Variants in SAMD12 observed in about 807,000 individuals in gnomAD.
SAMD12 encodes the protein sterile alpha motif domain containing 12.
SAMD12 carries 9 observed loss-of-function variants against 15.0 expected under a neutral mutation model. That is an observed-to-expected ratio of 0.60 (90% CI 0.36 to 1.05). The LOEUF (loss-of-function observed/expected upper bound fraction) is 1.05, where lower values mean the gene tolerates loss of function less well. Among genes scored for constraint, SAMD12 ranks in the 50% least tolerant of loss-of-function variants. SAMD12 has a pLI of 0.01. For synonymous variants in SAMD12, 86 were observed against 90.1 expected, an observed-to-expected ratio of 0.96 and a Z score of 0.25; for missense variants, 230 against 234.2, an observed-to-expected ratio of 0.98 and a Z score of 0.12.
intron 4 of SAMD12, among the ~76,000 whole-genome samples, chr8:118,345,415 G>T (rs374533568): frequency 1.3e-5 from 2 of 152,092 alleles, no homozygotes; most frequent in Admixed American, 6.5e-5. Flanking sequence ...AAAGTGATAC[G>T]CGCTAAGGTA....
intron 2 of SAMD12, among the ~76,000 whole-genome samples, chr8:118,502,105 C>G (rs986475109): frequency 2.0e-5 from 3 of 151,588 alleles, no homozygotes; most frequent in African/African-American, 7.3e-5. Flanking sequence ...AACAAGCTTC[C>G]AAACTGCTGG....
intron 4 of SAMD12, among the ~76,000 whole-genome samples, chr8:118,280,684 G>C (rs762190693): frequency 1.3e-5 from 2 of 152,196 alleles, no homozygotes; most frequent in Non-Finnish European, 2.9e-5. Flanking sequence ...TCAGAAATGA[G>C]AAACTGGTTT....
chr8:118,437,021 CTCTTAAG>C (rs1822596206), intron 3 of SAMD12, among the ~76,000 whole-genome samples: 1 of 152,150 alleles, frequency 6.6e-6, no homozygotes, highest in East Asian at 1.9e-4. Context: ...CCCCTGTCCT[CTCTTAAG>C]TCATTCTACT....
At chr8:118,143,361 T>C in the SAMD12 span, among the ~76,000 whole-genome samples, 2 of 152,342 alleles carry the variant, frequency 1.3e-5, no homozygotes, top group African/African-American at 2.4e-5. Context: ...ATGGTTATTT[T>C]TGAAGCCAGA....
chr8:118,401,482 T>A (rs1820866342), intron 3 of SAMD12, among the ~76,000 whole-genome samples: 1 of 151,890 alleles, frequency 6.6e-6, no homozygotes, highest in South Asian at 2.1e-4. Context: ...GTGATCCTCC[T>A]GCCTGTGCCT....
At chr8:118,209,353 A>G (rs1319978987) in intron 4 of SAMD12, among the ~76,000 whole-genome samples, 1 of 152,216 alleles carries the variant, frequency 6.6e-6, no homozygotes, top group Non-Finnish European at 1.5e-5. Flanking sequence ...GTTACAATCT[A>G]TATTGCAGTT....
chr8:118,169,179 C>A, the SAMD12 span, among the ~76,000 whole-genome samples: 108 of 152,214 alleles, frequency 7.1e-4, no homozygotes, highest in African/African-American at 2.5e-3. Flanking sequence ...CCAACCTGTA[C>A]ATGTACCCCC....
rs1023078885 is a variant in SAMD12 at position 118,486,882 on chromosome 8, G to T, written c.193-46921C>A. On this transcript the variant is annotated intron_variant, in intron 2 of 3. Transcript: ENST00000314727. ...CTGAGAGAGGCGTGGCTGGAGCAGA[G>T]GTGCCCTCCGACAGGACCCATGGCC... 5.3e-5 allele frequency among the ~76,000 whole-genome samples: 8 copies of T among 152,190 alleles called. 1 individual carries two copies. The highest frequency in any genetic ancestry group is 1.9e-4 in the African/African-American group (8 of 41,434).
intron 2 of SAMD12, among the ~76,000 whole-genome samples, chr8:118,466,846 A>C (rs1823609605): frequency 6.6e-6 from 1 of 152,196 alleles, no homozygotes; most frequent in Non-Finnish European, 1.5e-5. Flanking sequence ...TTAAACCGAA[A>C]ATTAGATTCC....
At chr8:118,365,440 G>A (rs953822913) in intron 4 of SAMD12, among the ~76,000 whole-genome samples, 4 of 151,996 alleles carry the variant, frequency 2.6e-5, no homozygotes, top group Admixed American at 1.3e-4. Flanking sequence ...GAACATGAAC[G>A]AAACAAAAAA....
At chr8:118,209,558 T>C (rs1819960181) in intron 4 of SAMD12, among the ~76,000 whole-genome samples, 1 of 152,140 alleles carries the variant, frequency 6.6e-6, no homozygotes, top group Non-Finnish European at 1.5e-5. Context: ...TTGGCATGAG[T>C]CTCAAACCTG....
the SAMD12 span, among the ~76,000 whole-genome samples, chr8:118,147,646 C>A: frequency 3.3e-5 from 5 of 152,268 alleles, no homozygotes; most frequent in Admixed American, 6.5e-5. Flanking sequence ...AGGCATGAGC[C>A]ACCGTGCCCG....
At chr8:118,548,423 A>ACACACACACACC (rs1491292990) in intron 2 of SAMD12, among the ~76,000 whole-genome samples, 1 of 125,260 alleles carries the variant, frequency 8.0e-6, no homozygotes, top group African/African-American at 3.0e-5. Flanking sequence ...ACACACACAC[A>ACACACACACACC]CCCCATGTGA....
intron 2 of SAMD12, among the ~76,000 whole-genome samples, chr8:118,500,349 AT>A (rs1456984947): frequency 6.6e-6 from 1 of 150,856 alleles, no homozygotes; most frequent in African/African-American, 2.4e-5. Flanking sequence ...AAGTGCTGGG[AT>A]TATAGGCGTG....
At chr8:118,418,045 C>A (rs1821793780) in intron 3 of SAMD12, among the ~76,000 whole-genome samples, 1 of 152,154 alleles carries the variant, frequency 6.6e-6, no homozygotes, top group Admixed American at 6.5e-5. Flanking sequence ...TATATTCTTT[C>A]TGCCCATCAT....
At chr8:118,279,559 T>G (rs1157422092) in intron 4 of SAMD12, among the ~76,000 whole-genome samples, 3 of 152,236 alleles carry the variant, frequency 2.0e-5, no homozygotes. Context: ...TTTGAATCAC[T>G]CATTTCTGGC....
At chr8:118,153,934 A>G in the SAMD12 span, among the ~76,000 whole-genome samples, 1 of 151,832 alleles carries the variant, frequency 6.6e-6, no homozygotes, top group Non-Finnish European at 1.5e-5. Flanking sequence ...TCTGAAATGA[A>G]TTTCTCTCCC....
chr8:118,291,459 G>A (rs1814359493), intron 4 of SAMD12: 1 of 152,044 alleles, frequency 6.6e-6, no homozygotes, highest in Non-Finnish European at 1.5e-5. Context: ...AGAATGACAT[G>A]GAAAGTCAGT....
At chr8:118,428,702 C>T (rs1202357710) in intron 3 of SAMD12, among the ~76,000 whole-genome samples, 1 of 152,038 alleles carries the variant, frequency 6.6e-6, no homozygotes, top group Non-Finnish European at 1.5e-5. Context: ...TACCCTTTCT[C>T]TCGTTGGATT....
Sources: gnomAD v4.1 joint callset for allele counts (sites outside exome capture counted in the v4.1 genomes callset) on GRCh38, gnomAD v4.1.1 for gene constraint, MANE v1.5 for transcripts, NCBI Gene and HGNC (gene_info 2026-07-23, HGNC 2026-07-21) for gene names.